ADGRL2: variants seen among roughly 807,000 people sequenced by gnomAD.
ADGRL2 encodes calcium-independent alpha-latrotoxin receptor 2.
Under a neutral mutation model 157.4 loss-of-function variants are expected in ADGRL2, and 44 were observed. That is an observed-to-expected ratio of 0.28 (90% CI 0.22 to 0.36). ADGRL2 has a LOEUF of 0.36. ADGRL2 is among the 10% of genes least tolerant of loss of function. The pLI is 1.00. For missense variants in ADGRL2, 1,510 were observed against 1,768.9 expected (o/e 0.85, Z 2.63); for synonymous variants, 585 against 624.7 (o/e 0.94, Z 0.95).
chr1:81,783,342 C>T (rs933627357), intron 2 of ADGRL2, among the ~76,000 whole-genome samples: 1 of 151,924 alleles, frequency 6.6e-6, no homozygotes, highest in Admixed American at 6.6e-5. Context: ...GTTGCCCATG[C>T]TGGTCTCGAA....
intron 4 of ADGRL2, among the ~76,000 whole-genome samples, 161 bp from the exon 5 acceptor site, chr1:81,941,873 G>A (rs530167173): frequency 7.2e-5 from 11 of 151,914 alleles, no homozygotes; most frequent in African/African-American, 2.7e-4. Context: ...AGGTTTTCCT[G>A]TTGTGTGTTT....
chr1:81,524,998 G>GAA (rs2079418813), intron 2 of ADGRL2, among the ~76,000 whole-genome samples: 1 of 152,170 alleles, frequency 6.6e-6, no homozygotes, highest in Non-Finnish European at 1.5e-5. Context: ...TATCTCCAGG[G>GAA]AAGAACATTG....
chr1:81,900,565 C>G (rs2094467917), intron 2 of ADGRL2, among the ~76,000 whole-genome samples: 2 of 152,080 alleles, frequency 1.3e-5, no homozygotes, highest in African/African-American at 4.8e-5. Context: ...ACCTGTAGCT[C>G]TGCTATCCTT....
At chr1:81,355,511 C>T (rs1438635416) in intron 1 of ADGRL2, among the ~76,000 whole-genome samples, 1 of 152,142 alleles carries the variant, frequency 6.6e-6, no homozygotes, top group African/African-American at 2.4e-5. Flanking sequence ...AATCTATAGA[C>T]TTCTTTGGAT....
chr1:81,728,616 G>A (rs2084618009), intron 1 of ADGRL2, among the ~76,000 whole-genome samples: 1 of 152,096 alleles, frequency 6.6e-6, no homozygotes, highest in African/African-American at 2.4e-5. Flanking sequence ...CCAACATTGG[G>A]AGATCCAATC....
At chr1:81,945,347 G>C (rs1164734699) in intron 6 of ADGRL2, among the ~76,000 whole-genome samples, 2 of 151,852 alleles carry the variant, frequency 1.3e-5, no homozygotes, top group African/African-American at 2.4e-5. Context: ...CCTTTTTGTA[G>C]CCTGTATTAG....
At chr1:81,461,281 C>CT (rs200524848) in intron 2 of ADGRL2, among the ~76,000 whole-genome samples, 2,487 of 147,936 alleles carry the variant, frequency 0.017, 39 homozygotes, top group East Asian at 0.042. Context: ...CTTTTCTTTT[C>CT]TTTTTTTTTT....
At chr1:81,773,269 G>A (rs1004990823) in intron 2 of ADGRL2, among the ~76,000 whole-genome samples, 1 of 152,194 alleles carries the variant, frequency 6.6e-6, no homozygotes, top group African/African-American at 2.4e-5. Context: ...TTTGAGTTGA[G>A]TTTCTGTAAC....
Position 81,521,361 on chromosome 1 carries a change from T to C in ADGRL2, c.-247-59515T>C, listed in dbSNP as rs1249368542. On this transcript the variant is annotated intron_variant, in intron 2 of 24. Coordinates refer to the ADGRL2 transcript ENST00000370721. ...AATGCTTTTAATATGTTAAACAGGATAAAATTATATAATATATACAGGTAA... is the reference window on the plus strand; with the variant it reads ...AATGCTTTTAATATGTTAAACAGGACAAAATTATATAATATATACAGGTAA... 3.3e-5 allele frequency among the ~76,000 whole-genome samples: 5 copies of C among 152,194 alleles called. No homozygotes were observed. The East Asian group carries it at 9.6e-4, about 29-fold the overall frequency.
intron 2 of ADGRL2, among the ~76,000 whole-genome samples, chr1:81,484,227 CTTA>C (rs2078452125): frequency 1.3e-5 from 2 of 152,258 alleles, no homozygotes; most frequent in Non-Finnish European, 2.9e-5. Flanking sequence ...TCTCTATTTC[CTTA>C]TTAATTCTAA....
In ADGRL2 at chr1:81,992,250, T is replaced by C. The variant is rs1664698574; in HGVS notation, c.*1105T>C. The C allele has an allele frequency of 1.3e-5, 2 of 152,554 alleles. No individual in the cohort carries two copies. Among genetic ancestry groups the C allele is most frequent in the Admixed American group, 1.3e-4 (2 of 15,256 alleles). 9.5% of individuals were successfully genotyped at this position (152,554 alleles called of 1,614,324 possible). A position where few individuals can be genotyped will look rare whatever the true frequency, so the allele number is the denominator to read the frequency against. On this transcript the variant is annotated 3_prime_UTR_variant, in exon 24 of 24. Coordinates refer to ENST00000686636, the MANE Select transcript of ADGRL2 (RefSeq NM_001366006.2). ...CTCTTCCATATTCCTTCTGCCTATATTTAGTAATTAATTTATTTTATGATA... is the reference window on the plus strand; with the variant it reads ...CTCTTCCATATTCCTTCTGCCTATACTTAGTAATTAATTTATTTTATGATA...
intron 3 of ADGRL2, among the ~76,000 whole-genome samples, chr1:81,605,757 A>G (rs762764905): frequency 6.6e-6 from 1 of 152,150 alleles, no homozygotes; most frequent in East Asian, 1.9e-4. Context: ...CCTTATTTCC[A>G]TTGCCAACAG....
chr1:81,965,926 G>C (rs1424896430), intron 11 of ADGRL2, 132 bp from the exon 12 acceptor site: 2 of 922,206 alleles, frequency 2.2e-6, no homozygotes, highest in African/African-American at 3.3e-5. Context: ...GATTTTTGTT[G>C]AAACCTAACA....
intron 2 of ADGRL2, among the ~76,000 whole-genome samples, chr1:81,844,079 T>G (rs1000347094): frequency 1.3e-5 from 2 of 152,158 alleles, no homozygotes; most frequent in Admixed American, 6.6e-5. Flanking sequence ...AAACCTCCAT[T>G]TTCTGACAGA....
Position 81,372,113 on chromosome 1 carries a change from T to C in ADGRL2, c.-302+65604T>C, listed in dbSNP as rs967223082. Among the ~76,000 whole-genome samples, 12 of 152,160 alleles carry C rather than the reference T, an allele frequency of 7.9e-5. 1 individual carries two copies. The highest frequency in any genetic ancestry group is 2.9e-4 in the African/African-American group (12 of 41,444). On this transcript the variant is annotated intron_variant, in intron 1 of 24. Coordinates refer to the ADGRL2 transcript ENST00000370721. Reference sequence around the variant, plus strand: ...AAACAAACAACCTATCCATTGTTCATGTGAAATAGGAGGTCATTCTCAAGT... The same window carrying C: ...AAACAAACAACCTATCCATTGTTCACGTGAAATAGGAGGTCATTCTCAAGT...
chr1:81,981,138 A>T, intron 18 of ADGRL2: 1 of 435,480 alleles, frequency 2.3e-6, no homozygotes, highest in Admixed American at 2.8e-5. Context: ...GAAGATAATA[A>T]GCCATTTATC....
intron 3 of ADGRL2, among the ~76,000 whole-genome samples, chr1:81,930,826 C>A (rs567754499): frequency 1.3e-5 from 2 of 152,056 alleles, no homozygotes; most frequent in Admixed American, 6.6e-5. Context: ...AGTTTTTAAA[C>A]CATGAGTAAA....
chr1:81,779,197 A>G (rs2086714986), intron 2 of ADGRL2, among the ~76,000 whole-genome samples: 1 of 152,170 alleles, frequency 6.6e-6, no homozygotes, highest in Non-Finnish European at 1.5e-5. Context: ...ACAGGAAAAA[A>G]AACAAAAACG....
At chr1:81,432,830 T>C (rs1037353466) in intron 1 of ADGRL2, among the ~76,000 whole-genome samples, 3 of 152,042 alleles carry the variant, frequency 2.0e-5, no homozygotes, top group African/African-American at 7.3e-5. Context: ...TGGGGCGGCA[T>C]GGGGAATGTG....
Sources: allele counts gnomAD v4.1 joint callset (sites outside exome capture counted in the v4.1 genomes callset), GRCh38; gene constraint gnomAD v4.1.1; transcripts MANE v1.5; gene names NCBI Gene and HGNC (gene_info 2026-07-23, HGNC 2026-07-21).